The following CDH4 variants were observed in gnomAD, a reference collection of about 807,000 sequenced individuals.
CDH4 encodes cadherin 4.
Under a neutral mutation model 86.0 loss-of-function variants are expected in CDH4, and 33 were observed. That is an observed-to-expected ratio of 0.38 (90% confidence interval 0.29 to 0.51). The LOEUF is 0.51. Among genes scored for constraint, CDH4 ranks in the 20% least tolerant of loss-of-function variants. The pLI, the probability that CDH4 is intolerant of heterozygous loss-of-function variation, is 0.86. For missense variants in CDH4, 1,114 were observed against 1,307.4 expected, an observed-to-expected ratio of 0.85 and a Z score of 2.28; for synonymous variants, 555 against 549.4, an observed-to-expected ratio of 1.01 and a Z score of -0.14.
At chr20:61,651,947 A>G (rs549260227) in intron 2 of CDH4, among the ~76,000 whole-genome samples, 1 of 152,306 alleles carries the variant, frequency 6.6e-6, no homozygotes, top group East Asian at 1.9e-4. Context: ...TACTGAGGCA[A>G]TAGAAAGTCA....
chr20:61,704,308 C>T (rs184139064), intron 2 of CDH4, among the ~76,000 whole-genome samples: 33 of 152,268 alleles, frequency 2.2e-4, no homozygotes, highest in Admixed American at 6.5e-5. Context: ...CCCACTCTGA[C>T]ATTCTCAGAA....
chr20:61,537,029 C>T (rs542248392), intron 2 of CDH4, among the ~76,000 whole-genome samples: 2 of 152,310 alleles, frequency 1.3e-5, no homozygotes, highest in South Asian at 4.1e-4. Flanking sequence ...GCTCTGAGCA[C>T]CCCCAGAAAC....
intron 2 of CDH4, among the ~76,000 whole-genome samples, chr20:61,673,649 C>A (rs1182476104): frequency 6.6e-6 from 1 of 152,334 alleles, no homozygotes; most frequent in South Asian, 2.1e-4. Flanking sequence ...GGGTGACCAG[C>A]CTGGCAGGCT....
chr20:61,408,461 G>A (rs777094781), intron 2 of CDH4, among the ~76,000 whole-genome samples: 2 of 152,156 alleles, frequency 1.3e-5, no homozygotes, highest in African/African-American at 2.4e-5. Context: ...GACCGTAACC[G>A]TAGACTCAGT....
At chr20:61,711,383 C>A (rs2087891255) in intron 2 of CDH4, among the ~76,000 whole-genome samples, 1 of 152,234 alleles carries the variant, frequency 6.6e-6, no homozygotes, top group Non-Finnish European at 1.5e-5. Context: ...TGAGAATGGA[C>A]TAATACAGAA....
chr20:61,478,326 G>T (rs1039076239), intron 2 of CDH4, among the ~76,000 whole-genome samples: 5 of 152,196 alleles, frequency 3.3e-5, no homozygotes, highest in Non-Finnish European at 7.3e-5. Flanking sequence ...AGCAATGGGT[G>T]TGTATCCTCA....
chr20:61,284,340 CCTTT>C (rs1437974188), intron 2 of CDH4, among the ~76,000 whole-genome samples: 3 of 152,106 alleles, frequency 2.0e-5, no homozygotes, highest in African/African-American at 7.2e-5. Flanking sequence ...TAGCTTTCCT[CCTTT>C]CTTTTTTTGT....
intron 2 of CDH4, among the ~76,000 whole-genome samples, chr20:61,275,616 G>A (rs1227385091): frequency 2.2e-4 from 29 of 129,090 alleles, no homozygotes; most frequent in Non-Finnish European, 4.0e-4. Flanking sequence ...AGTACCATGC[G>A]CAGTTTGGGG....
At chr20:61,458,747 G>T (rs568525621) in intron 2 of CDH4, among the ~76,000 whole-genome samples, 3 of 151,996 alleles carry the variant, frequency 2.0e-5, no homozygotes, top group Admixed American at 6.6e-5. Flanking sequence ...GGTGACAATG[G>T]TGACAGTGGT....
At chr20:61,733,596 G>T (rs1458822725) in intron 2 of CDH4, among the ~76,000 whole-genome samples, 1 of 152,004 alleles carries the variant, frequency 6.6e-6, no homozygotes, top group African/African-American at 2.4e-5. Context: ...TGACTGCCCA[G>T]CACCCAGGAC....
At chr20:61,599,561 C>A (rs2086582056) in intron 2 of CDH4, among the ~76,000 whole-genome samples, 2 of 152,198 alleles carry the variant, frequency 1.3e-5, no homozygotes, top group Non-Finnish European at 2.9e-5. Context: ...CTAAGCCGGC[C>A]AGCCTCCCAG....
chr20:61,921,010 C>T (rs536078348), intron 9 of CDH4, among the ~76,000 whole-genome samples: 20 of 139,070 alleles, frequency 1.4e-4, no homozygotes, highest in South Asian at 9.4e-4. Flanking sequence ...TGCATGGAAG[C>T]GTTGTGTCAC....
At chr20:61,580,057 C>T (rs966848340) in intron 2 of CDH4, among the ~76,000 whole-genome samples, 7 of 151,894 alleles carry the variant, frequency 4.6e-5, no homozygotes, top group Non-Finnish European at 8.8e-5. Context: ...CAGTAGGTAA[C>T]GTGCCCTCAT....
chr20:61,768,231 T>C (rs183269412), intron 3 of CDH4, among the ~76,000 whole-genome samples: 1 of 152,338 alleles, frequency 6.6e-6, no homozygotes, highest in African/African-American at 2.4e-5. Flanking sequence ...AAGCAATGCG[T>C]ACCTGTGCAT....
intron 2 of CDH4, among the ~76,000 whole-genome samples, chr20:61,585,991 A>ATGGTGATGG (rs1247972031): frequency 3.6e-5 from 5 of 139,330 alleles, no homozygotes; most frequent in African/African-American, 1.3e-4. Flanking sequence ...GATGATGGTG[A>ATGGTGATGG]TGATGATGAT....
intron 2 of CDH4, among the ~76,000 whole-genome samples, chr20:61,273,214 G>A (rs2084195093): frequency 7.6e-6 from 1 of 131,958 alleles, no homozygotes; most frequent in Non-Finnish European, 1.6e-5. Context: ...CAGTTTGGGA[G>A]AGTACCTTGT....
chr20:61,922,175 T>G (rs2054990166), intron 9 of CDH4, among the ~76,000 whole-genome samples: 2 of 152,266 alleles, frequency 1.3e-5, no homozygotes, highest in South Asian at 4.1e-4. Context: ...AATACTCTTA[T>G]GCATATGTTA....
At chr20:61,478,844 T>C (rs1488020016) in intron 2 of CDH4, among the ~76,000 whole-genome samples, 2 of 152,250 alleles carry the variant, frequency 1.3e-5, no homozygotes, top group Non-Finnish European at 2.9e-5. Context: ...TGCTTCTGTC[T>C]GGCTGTATCA....
At chr20:61,385,223 G>T (rs2084944318) in intron 2 of CDH4, among the ~76,000 whole-genome samples, 1 of 152,146 alleles carries the variant, frequency 6.6e-6, no homozygotes, top group Non-Finnish European at 1.5e-5. Flanking sequence ...CAGGAGGAGG[G>T]ACTAGGGTTT....
Sources: gnomAD v4.1 joint callset for allele counts (sites outside exome capture counted in the v4.1 genomes callset) on GRCh38, gnomAD v4.1.1 for gene constraint, MANE v1.5 for transcripts, NCBI Gene and HGNC (gene_info 2026-07-23, HGNC 2026-07-21) for gene names.